Variants in ZNF385D observed in about 807,000 individuals in gnomAD.
ZNF385D encodes zinc finger protein 385D.
ZNF385D carries 15 observed loss-of-function variants against 35.8 expected under a neutral mutation model. The ratio of observed to expected loss-of-function variants is 0.42; its 90% CI spans 0.28 to 0.64. ZNF385D has a LOEUF of 0.64. Among genes scored for constraint, ZNF385D ranks in the 30% least tolerant of loss-of-function variants. ZNF385D has a pLI of 0.23. For missense variants in ZNF385D, 474 were observed against 494.6 expected (o/e 0.96, Z 0.39); for synonymous variants, 212 against 186.8 (o/e 1.13, Z -1.10).
At chr3:22,247,895 G>A (rs115708911) in intron 2 of ZNF385D, among the ~76,000 whole-genome samples, 4,023 of 152,096 alleles carry the variant, frequency 0.026, 73 homozygotes, top group Non-Finnish European at 0.038. Flanking sequence ...GAGCCACCAC[G>A]CCCGGCCTAC....
chr3:21,974,745 T>TA (rs1703484889), intron 3 of ZNF385D, among the ~76,000 whole-genome samples: 2 of 152,036 alleles, frequency 1.3e-5, no homozygotes, highest in South Asian at 4.1e-4. Flanking sequence ...CAATCCAATT[T>TA]AAAATGGCAA....
intron 2 of ZNF385D, among the ~76,000 whole-genome samples, chr3:22,297,817 G>A (rs1702672805): frequency 6.6e-6 from 1 of 151,974 alleles, no homozygotes; most frequent in South Asian, 2.1e-4. Flanking sequence ...TATCTCTATT[G>A]ACCTAGGAGC....
intron 1 of ZNF385D, among the ~76,000 whole-genome samples, chr3:21,700,138 CT>C (rs1431277599): frequency 6.6e-6 from 1 of 151,956 alleles, no homozygotes; most frequent in Non-Finnish European, 1.5e-5. Flanking sequence ...TCTCAGCCCC[CT>C]ATGTTATGTT....
rs778305133 is a variant in ZNF385D at position 21,437,166 on chromosome 3, TGTC to T, written c.474_476del (p.Thr160del). ...CACTGCTTTTGCGGATTTCCACAGT[TGTC>T]GTCGTTGATATTGCTGGTGTCCCTG... On this transcript the variant is annotated inframe_deletion, in exon 5 of 8. Transcript: ENST00000281523. 1.3e-5 allele frequency: 21 copies of T among 1,613,872 alleles called. No homozygotes were observed. The highest frequency in any genetic ancestry group is 6.6e-5 in the South Asian group (6 of 91,080).
rs535403920 is a variant in ZNF385D at position 21,741,143 on chromosome 3, C to G, written c.22+9752G>C. ...CACCTATCGGCATCAGGGCTGTTCACAAAGGGAAGCTGAGAATTCTCAAAG... is the reference window on the plus strand; with the variant it reads ...CACCTATCGGCATCAGGGCTGTTCAGAAAGGGAAGCTGAGAATTCTCAAAG... On this transcript the variant is annotated intron_variant, in intron 1 of 7. Transcript: ENST00000281523. Among the ~76,000 whole-genome samples, 3 of 152,188 alleles carry G rather than the reference C, an allele frequency of 2.0e-5. No individual in the cohort carries two copies. In the South Asian group the frequency reaches 6.2e-4, roughly 32 times the overall value.
chr3:21,698,708 A>T (rs1419587527), intron 1 of ZNF385D, among the ~76,000 whole-genome samples: 1 of 150,216 alleles, frequency 6.7e-6, no homozygotes, highest in Non-Finnish European at 1.5e-5. Flanking sequence ...TCAAAAGAAG[A>T]CATTTATGCA....
chr3:21,527,199 T>C (rs187693590), intron 3 of ZNF385D, among the ~76,000 whole-genome samples: 7 of 152,324 alleles, frequency 4.6e-5, no homozygotes, highest in Admixed American at 3.9e-4. Context: ...ATTTGTTGAA[T>C]GATAATTACA....
intron 1 of ZNF385D, among the ~76,000 whole-genome samples, chr3:21,693,794 T>C (rs915366999): frequency 2.0e-5 from 3 of 151,814 alleles, no homozygotes; most frequent in Admixed American, 6.6e-5. Context: ...AAATGATGTA[T>C]CATTTAGCCA....
intron 2 of ZNF385D, among the ~76,000 whole-genome samples, chr3:22,190,030 G>T (rs1001549815): frequency 2.6e-5 from 4 of 152,048 alleles, no homozygotes; most frequent in African/African-American, 7.2e-5. Flanking sequence ...TTGGAAAAAT[G>T]AACACTTACC....
At position 21,872,193 on chromosome 3, in the gene ZNF385D, CAG is replaced by C. The variant is rs573351585; in HGVS notation, c.326-207167_326-207166del. The stretch of plus-strand genomic sequence containing the variant: ...AAAACACACAAATTACACACAAAAA[CAG>C]AACAGAAATTTATTGATGCTCGAGT... On this transcript the variant is annotated intron_variant, in intron 3 of 5. Coordinates refer to the ZNF385D transcript ENST00000494108. Among the ~76,000 whole-genome samples the C allele has an allele frequency of 1.7e-3, 265 of 152,146 alleles. 2 individuals carry two copies. Among genetic ancestry groups the C allele is most frequent in the African/African-American group, 6.1e-3 (255 of 41,518 alleles).
At chr3:21,778,543 G>A (rs9851416) in intron 3 of ZNF385D, among the ~76,000 whole-genome samples, 2,912 of 151,876 alleles carry the variant, frequency 0.019, 108 homozygotes, top group African/African-American at 0.066. Flanking sequence ...AAACAATTCT[G>A]ATTCAGAGCA....
intron 3 of ZNF385D, among the ~76,000 whole-genome samples, chr3:21,912,822 G>T (rs920817746): frequency 6.6e-6 from 1 of 151,968 alleles, no homozygotes; most frequent in East Asian, 1.9e-4. Context: ...GTCATTATTG[G>T]TCCCTTTATT....
At chr3:21,799,576 G>A (rs1450870133) in intron 3 of ZNF385D, among the ~76,000 whole-genome samples, 4 of 152,002 alleles carry the variant, frequency 2.6e-5, no homozygotes, top group Admixed American at 2.6e-4. Context: ...CTTCTTTGGA[G>A]GAAAGGCTAT....
At chr3:22,002,506 A>G (rs1182913062) in intron 3 of ZNF385D, among the ~76,000 whole-genome samples, 1 of 152,128 alleles carries the variant, frequency 6.6e-6, no homozygotes, top group African/African-American at 2.4e-5. Context: ...ACTGTTAAAT[A>G]AGAACTAACA....
chr3:21,864,822 T>C (rs1697248280), intron 3 of ZNF385D, among the ~76,000 whole-genome samples: 1 of 152,008 alleles, frequency 6.6e-6, no homozygotes, highest in African/African-American at 2.4e-5. Context: ...AATGTCCTTA[T>C]AAAATATCAT....
At chr3:22,119,195 G>A (rs1293952532) in intron 3 of ZNF385D, among the ~76,000 whole-genome samples, 2 of 152,006 alleles carry the variant, frequency 1.3e-5, no homozygotes, top group Non-Finnish European at 2.9e-5. Context: ...GAATCTGCTT[G>A]GAACTTAATA....
At chr3:21,869,018 A>ACATT (rs1697541760) in intron 3 of ZNF385D, among the ~76,000 whole-genome samples, 1 of 152,084 alleles carries the variant, frequency 6.6e-6, no homozygotes, top group Non-Finnish European at 1.5e-5. Context: ...GGAAAAAACA[A>ACATT]CATTCATTTT....
intron 3 of ZNF385D, among the ~76,000 whole-genome samples, chr3:22,108,354 G>C (rs780580160): frequency 2.6e-5 from 4 of 151,060 alleles, no homozygotes; most frequent in African/African-American, 4.9e-5. Context: ...TACATATAAT[G>C]AAAGGTTTTT....
At chr3:22,345,658 T>G (rs1575164754) in intron 2 of ZNF385D, among the ~76,000 whole-genome samples, 1 of 152,186 alleles carries the variant, frequency 6.6e-6, no homozygotes, top group Non-Finnish European at 1.5e-5. Context: ...ATAGCGGCTG[T>G]GTAATGAGTG....
Sources: gnomAD v4.1 joint callset for allele counts (sites outside exome capture counted in the v4.1 genomes callset) on GRCh38, gnomAD v4.1.1 for gene constraint, MANE v1.5 for transcripts, NCBI Gene and HGNC (gene_info 2026-07-23, HGNC 2026-07-21) for gene names.